Variants in ARID3B observed in about 807,000 individuals in gnomAD.
The protein encoded by ARID3B is AT-rich interaction domain 3B.
A neutral mutation model predicts 51.9 loss-of-function variants in ARID3B; 10 were observed. The observed-to-expected ratio is 0.19, with a 90% CI of 0.12 to 0.33. The LOEUF (loss-of-function observed/expected upper bound fraction) is 0.33, where lower values mean the gene tolerates loss of function less well. Among genes scored for constraint, ARID3B ranks in the 10% least tolerant of loss-of-function variants. ARID3B has a pLI of 1.00. For synonymous variants in ARID3B, 205 were observed against 279.5 expected (o/e 0.73, Z 2.66); for missense variants, 483 against 716.3 (o/e 0.67, Z 3.72).
intron 2 of ARID3B, among the ~76,000 whole-genome samples, chr15:74,562,920 C>T (rs759683156): frequency 1.3e-5 from 2 of 152,094 alleles, no homozygotes; most frequent in African/African-American, 2.4e-5. Context: ...TAAAATTTAC[C>T]TGCTATCTTT....
rs1160320095 is a variant in ARID3B, at chr15:74,595,612, T to C, written c.1521T>C (p.Gly507=). 1 of 1,612,196 alleles carries C rather than the reference T, an allele frequency of 6.2e-7. No individual in the cohort carries two copies. Among genetic ancestry groups the C allele is most frequent in the Non-Finnish European group, 8.5e-7 (1 of 1,178,842 alleles). ...CTTGCTTCTCTTCCACCCACCAAGG[T>C]GTGCTGTTTGCCCAGAAGCCTGTGG... ...SVDIDGTTYA[G]VLFAQKPVVH... The change falls in exon 9 of 9, where the codon GGT becomes GGC. Residue 507 remains glycine (G), a splice_region_variant and synonymous_variant. Transcript: ENST00000346246.
At chr15:74,568,891 G>T (rs2061709349) in intron 2 of ARID3B, among the ~76,000 whole-genome samples, 1 of 152,124 alleles carries the variant, frequency 6.6e-6, no homozygotes, top group African/African-American at 2.4e-5. Context: ...TGTTCCCTGG[G>T]CAGGTTAAAC....
Position 74,543,889 on chromosome 15 carries a change from G to T in ARID3B, c.-48G>T, listed in dbSNP as rs772307541. ...AGACCCAGTGTGCCTGGTGGGCTGTGCCCAGGTTCAGAGTCATGCCACTCT... is the reference window on the plus strand; with the variant it reads ...AGACCCAGTGTGCCTGGTGGGCTGTTCCCAGGTTCAGAGTCATGCCACTCT... On this transcript the variant is annotated 5_prime_UTR_variant, in exon 2 of 9. Transcript: ENST00000346246. 1 of 1,567,008 alleles carries T rather than the reference G, an allele frequency of 6.4e-7. No individual in the cohort carries two copies. The highest frequency in any genetic ancestry group is 1.2e-5 in the South Asian group (1 of 82,642).
At chr15:74,568,294 G>A (rs958505394) in intron 2 of ARID3B, among the ~76,000 whole-genome samples, 1 of 152,164 alleles carries the variant, frequency 6.6e-6, no homozygotes, top group Non-Finnish European at 1.5e-5. Flanking sequence ...CTGGACAGAG[G>A]ATTTTATTCT....
intron 4 of ARID3B, among the ~76,000 whole-genome samples, chr15:74,589,101 C>T (rs1031460066): frequency 2.2e-5 from 3 of 136,142 alleles, no homozygotes; most frequent in East Asian, 2.2e-4. Flanking sequence ...GATCTCGGCT[C>T]ACTGCAAGCT....
chr15:74,585,821 T>C (rs1426539320), intron 4 of ARID3B, among the ~76,000 whole-genome samples: 1 of 152,250 alleles, frequency 6.6e-6, no homozygotes, highest in Non-Finnish European at 1.5e-5. Flanking sequence ...AGCAAACTGC[T>C]GAGACCAACC....
intron 4 of ARID3B, among the ~76,000 whole-genome samples, chr15:74,586,014 C>T (rs1024775581): frequency 1.3e-5 from 2 of 152,220 alleles, no homozygotes; most frequent in African/African-American, 2.4e-5. Context: ...TCACAGAGGG[C>T]CAGCCACAGG....
chr15:74,571,115 A>T (rs886548906), intron 2 of ARID3B, among the ~76,000 whole-genome samples: 1 of 152,148 alleles, frequency 6.6e-6, no homozygotes, highest in Non-Finnish European at 1.5e-5. Context: ...TACTTATGTC[A>T]CTGTGTGCCA....
At chr15:74,558,267 G>A (rs1023333587) in intron 2 of ARID3B, among the ~76,000 whole-genome samples, 5 of 146,632 alleles carry the variant, frequency 3.4e-5, no homozygotes, top group African/African-American at 7.6e-5. Flanking sequence ...TCTCCTGTGC[G>A]TCTTTTCTTT....
Position 74,596,931 on chromosome 15 carries a change from A to G in ARID3B, c.*1157A>G, listed in dbSNP as rs1332836650. ...GCCCAGTGAGGAGGTGGGTGGAGGC[A>G]TGCAGGGGAGACGACTCAGGGATCG... On this transcript the variant is annotated 3_prime_UTR_variant, in exon 9 of 9. Transcript: ENST00000346246. 4 of 233,732 alleles carry G rather than the reference A, an allele frequency of 1.7e-5. No individual in the cohort carries two copies. The highest frequency in any genetic ancestry group is 6.0e-5 in the East Asian group (1 of 16,592). 14.5% of individuals were successfully genotyped at this position (233,732 alleles called of 1,614,324 possible).
At chr15:74,547,347 AT>A (rs905619653) in intron 2 of ARID3B, among the ~76,000 whole-genome samples, 1 of 151,642 alleles carries the variant, frequency 6.6e-6, no homozygotes, top group Non-Finnish European at 1.5e-5. Context: ...ATTTTTATTT[AT>A]TTTTTTGTAT....
chr15:74,577,644 C>T (rs1010797006), intron 4 of ARID3B, among the ~76,000 whole-genome samples: 2 of 152,120 alleles, frequency 1.3e-5, no homozygotes, highest in African/African-American at 4.8e-5. Context: ...ACCTCAGCCT[C>T]CTGAGAATCT....
intron 2 of ARID3B, among the ~76,000 whole-genome samples, chr15:74,558,103 G>A (rs1420297160): frequency 6.6e-6 from 1 of 151,428 alleles, no homozygotes; most frequent in Non-Finnish European, 1.5e-5. Flanking sequence ...TTACAGGCGT[G>A]AGCCACGCGC....
chr15:74,573,599 C>T (rs537097613), intron 4 of ARID3B: 4 of 236,332 alleles, frequency 1.7e-5, no homozygotes, highest in East Asian at 2.0e-4. Context: ...GAAAAGAGGC[C>T]CCTCAGGATA....
At chr15:74,544,654 A>G (rs955185157) in intron 2 of ARID3B, among the ~76,000 whole-genome samples, 166 bp downstream of exon 2, 2 of 121,052 alleles carry the variant, frequency 1.7e-5, no homozygotes, top group Non-Finnish European at 3.6e-5. Context: ...TTTAATATTT[A>G]TTTTCTTCAT....
At chr15:74,556,047 C>T (rs1030588559) in intron 2 of ARID3B, among the ~76,000 whole-genome samples, 4 of 151,714 alleles carry the variant, frequency 2.6e-5, no homozygotes, top group African/African-American at 9.7e-5. Context: ...CCGCCTCAGC[C>T]TCCGAAGGTG....
rs1216560967 is a variant in ARID3B, at chr15:74,543,944, C to T, written c.8C>T (p.Pro3Leu). The T allele has an allele frequency of 6.2e-7, 1 of 1,607,838 alleles. No homozygotes were observed. Among genetic ancestry groups the T allele is most frequent in the Non-Finnish European group, 8.5e-7 (1 of 1,176,070 alleles). The change falls in exon 2 of 9, where the codon CCA (proline) becomes CTA (leucine). Residue 3 changes from proline to leucine, a missense_variant. Pro to Leu is a moderately conservative substitution (Grantham distance 98). Coordinates refer to ENST00000346246, the MANE Select transcript of ARID3B (RefSeq NM_006465.4). MEPLQQQQQQQQQ... is the reference protein window; with the variant it reads MELLQQQQQQQQQ... ...GTGAAGCTTGAGGCAAAAATGGAGC[C>T]ACTTCAGCAGCAGCAGCAGCAGCAG...
intron 2 of ARID3B, among the ~76,000 whole-genome samples, chr15:74,563,843 C>T (rs2061687831): frequency 6.6e-6 from 1 of 152,222 alleles, no homozygotes; most frequent in Non-Finnish European, 1.5e-5. Flanking sequence ...TTTAGTTTTT[C>T]TGCCACCTTT....
chr15:74,582,364 C>G (rs2061765160), intron 4 of ARID3B, among the ~76,000 whole-genome samples: 1 of 152,086 alleles, frequency 6.6e-6, no homozygotes, highest in African/African-American at 2.4e-5. Context: ...GATGGGGTGT[C>G]ACCATGCTGG....
Sources: gnomAD v4.1 joint callset for allele counts (sites outside exome capture counted in the v4.1 genomes callset) on GRCh38, gnomAD v4.1.1 for gene constraint, MANE v1.5 for transcripts, NCBI Gene and HGNC (gene_info 2026-07-23, HGNC 2026-07-21) for gene names.